RIMS2: variants seen among roughly 807,000 people sequenced by gnomAD.
The protein encoded by RIMS2 is regulating synaptic membrane exocytosis protein 2.
A neutral mutation model predicts 174.4 loss-of-function variants in RIMS2; 59 were observed. The ratio of observed to expected loss-of-function variants is 0.34; its 90% CI spans 0.27 to 0.42. The LOEUF (loss-of-function observed/expected upper bound fraction) is 0.42. RIMS2 is among the 10% of genes least tolerant of loss of function. The pLI is 1.00. For missense variants in RIMS2, 1,620 were observed against 1,666.3 expected, an observed-to-expected ratio of 0.97 and a Z score of 0.48; for synonymous variants, 606 against 572.5, an observed-to-expected ratio of 1.06 and a Z score of -0.84.
intron 1 of RIMS2, among the ~76,000 whole-genome samples, chr8:103,587,468 G>GAAAGAAAGAAAGAAAC (rs35539559): frequency 1.0e-5 from 1 of 96,344 alleles, no homozygotes. Context: ...AAGAAAGAAA[G>GAAAGAAAGAAAGAAAC]AAACTATGCA....
At chr8:103,660,588 T>TAAAAAC (rs71575980) in intron 1 of RIMS2, among the ~76,000 whole-genome samples, 4,700 of 151,638 alleles carry the variant, frequency 0.031, 214 homozygotes, top group African/African-American at 0.1. Flanking sequence ...GCTTCGTGGA[T>TAAAAAC]AAAAACAAAA....
At chr8:104,121,918 G>A (rs1309928640) in intron 19 of RIMS2, among the ~76,000 whole-genome samples, 4 of 152,108 alleles carry the variant, frequency 2.6e-5, no homozygotes, top group Admixed American at 6.5e-5. Flanking sequence ...CATAGATCAC[G>A]CCATTGCACT....
chr8:103,941,898 T>A (rs2082626597), intron 13 of RIMS2, among the ~76,000 whole-genome samples: 1 of 152,160 alleles, frequency 6.6e-6, no homozygotes, highest in African/African-American at 2.4e-5. Context: ...CTTATGAAAA[T>A]TAAACAATAA....
At chr8:104,099,397 C>T (rs1004314464) in intron 19 of RIMS2, among the ~76,000 whole-genome samples, 1 of 152,260 alleles carries the variant, frequency 6.6e-6, no homozygotes, top group Middle Eastern at 3.4e-3. Flanking sequence ...ATCACCAAGG[C>T]TATCTTCTAT....
At position 103,923,131 on chromosome 8, in the gene RIMS2, T is replaced by C. The variant is rs967679780; in HGVS notation, c.2196+1347T>C. Among the ~76,000 whole-genome samples, 8 of 152,004 alleles carry C rather than the reference T, an allele frequency of 5.3e-5. 1 individual carries two copies. The highest frequency in any genetic ancestry group is 3.2e-3 in the Middle Eastern group (1 of 316). ...CAGCCCATATGTTGTCATTTATAGT[T>C]AAAAATGTGTATTTTCTTCTACTAT... On this transcript the variant is annotated intron_variant, in intron 10 of 23. Coordinates refer to ENST00000504942, the Ensembl canonical transcript of RIMS2.
intron 15 of RIMS2, among the ~76,000 whole-genome samples, chr8:103,962,146 T>C (rs1476174439): frequency 6.6e-6 from 1 of 152,170 alleles, no homozygotes; most frequent in African/African-American, 2.4e-5. Flanking sequence ...GTTTTCTTCT[T>C]CCAAATTCTT....
chr8:104,171,871 A>G (rs1464575335), intron 19 of RIMS2, among the ~76,000 whole-genome samples: 1 of 152,096 alleles, frequency 6.6e-6, no homozygotes, highest in Admixed American at 6.6e-5. Context: ...ATTGTTTATT[A>G]TAGCCTAATT....
chr8:103,559,300 G>A lies in RIMS2; in HGVS notation c.176+58238G>A, dbSNP rs113521128. 3.3e-3 allele frequency: 662 copies of A among 200,368 alleles called. 6 individuals carry two copies. Among genetic ancestry groups the A allele is most frequent in the African/African-American group, 0.015 (616 of 42,160 alleles). 12.4% of individuals were successfully genotyped at this position (200,368 alleles called of 1,614,324 possible). ...TCCTAATTAGCCTTCCCATTAGCAG[G>A]GACATCTCTTCCATTTTCTGCCTCC... On this transcript the variant is annotated intron_variant, in intron 1 of 23. Coordinates refer to ENST00000504942, the Ensembl canonical transcript of RIMS2.
intron 19 of RIMS2, among the ~76,000 whole-genome samples, chr8:104,099,056 A>G (rs2097817609): frequency 6.6e-6 from 1 of 152,178 alleles, no homozygotes; most frequent in Admixed American, 6.5e-5. Context: ...AGCTTAGATG[A>G]TAGTATGCAA....
rs138018641 is a variant in RIMS2, at chr8:103,865,032, C to A, written c.699-20266C>A. Among the ~76,000 whole-genome samples the A allele has an allele frequency of 4.0e-3, 611 of 152,148 alleles. 1 individual carries two copies. Among genetic ancestry groups the A allele is most frequent in the Non-Finnish European group, 6.0e-3 (407 of 67,990 alleles). On this transcript the variant is annotated intron_variant, in intron 3 of 23. Coordinates refer to ENST00000504942, the Ensembl canonical transcript of RIMS2. Reference sequence around the variant, plus strand: ...AACAAGACCAAATAACAGCGCTTCCCAAACTATTTCCCTTCATAGCACACA... The same window carrying A: ...AACAAGACCAAATAACAGCGCTTCCAAAACTATTTCCCTTCATAGCACACA...
At chr8:103,649,789 T>C (rs1163940125) in intron 1 of RIMS2, among the ~76,000 whole-genome samples, 1 of 152,156 alleles carries the variant, frequency 6.6e-6, no homozygotes. Context: ...TATTCCTCTC[T>C]AAACTGGCTA....
intron 1 of RIMS2, among the ~76,000 whole-genome samples, chr8:103,691,743 G>T (rs1050058029): frequency 2.0e-5 from 3 of 152,150 alleles, no homozygotes; most frequent in Middle Eastern, 3.2e-3. Flanking sequence ...CTTGATGCTT[G>T]TGGGTGTTCT....
At chr8:103,876,864 TTA>T (rs199997824) in intron 3 of RIMS2, among the ~76,000 whole-genome samples, 688 of 67,850 alleles carry the variant, frequency 0.01, 5 homozygotes, top group East Asian at 0.027. Flanking sequence ...ACACACTATT[TTA>T]TATATATATA....
At chr8:103,750,183 G>GA (rs1046247008) in intron 2 of RIMS2, among the ~76,000 whole-genome samples, 61 of 149,004 alleles carry the variant, frequency 4.1e-4, no homozygotes, top group Middle Eastern at 3.4e-3. Context: ...TTTCCCCTAA[G>GA]AAAAAAAAAT....
At chr8:104,142,919 T>C (rs1256912789) in intron 19 of RIMS2, among the ~76,000 whole-genome samples, 1 of 152,198 alleles carries the variant, frequency 6.6e-6, no homozygotes, top group Non-Finnish European at 1.5e-5. Context: ...ATGTTAAAAA[T>C]ACTAAACTTT....
chr8:103,527,401 T>A (rs919136205), intron 1 of RIMS2, among the ~76,000 whole-genome samples: 35 of 152,228 alleles, frequency 2.3e-4, no homozygotes, highest in African/African-American at 8.4e-4. Context: ...TTATTTATTT[T>A]TTTATTATAC....
chr8:103,684,398 AT>A (rs1332943184), intron 1 of RIMS2, among the ~76,000 whole-genome samples: 1 of 152,094 alleles, frequency 6.6e-6, no homozygotes, highest in African/African-American at 2.4e-5. Flanking sequence ...GGTTGATTAA[AT>A]TTTTTTAAGT....
intron 1 of RIMS2, among the ~76,000 whole-genome samples, chr8:103,594,344 GAGAA>G (rs900109507): frequency 6.6e-6 from 1 of 151,562 alleles, no homozygotes; most frequent in Non-Finnish European, 1.5e-5. Context: ...GTTCCTTATG[GAGAA>G]AATACATGTG....
intron 19 of RIMS2, among the ~76,000 whole-genome samples, chr8:104,191,008 T>A (rs1283471861): frequency 4.0e-5 from 6 of 151,882 alleles, no homozygotes; most frequent in African/African-American, 1.4e-4. Context: ...AAAGATAGAA[T>A]CAAGCAAATA....
Sources: gnomAD v4.1 joint callset for allele counts (sites outside exome capture counted in the v4.1 genomes callset) on GRCh38, gnomAD v4.1.1 for gene constraint, MANE v1.5 for transcripts, NCBI Gene and HGNC (gene_info 2026-07-23, HGNC 2026-07-21) for gene names.